Variants in LMO7 observed in about 807,000 individuals in gnomAD.
LMO7 encodes the protein LIM domain 7, also known as LIM domain only protein 7.
Under a neutral mutation model 206.5 loss-of-function variants are expected in LMO7, and 120 were observed. That is an observed-to-expected ratio of 0.58 (90% CI 0.50 to 0.68). The LOEUF (loss-of-function observed/expected upper bound fraction) is 0.68. Among genes scored for constraint, LMO7 ranks in the 30% least tolerant of loss-of-function variants. The pLI, the probability that LMO7 is intolerant of heterozygous loss-of-function variation, is 0.00. For missense variants in LMO7, 1,959 were observed against 1,957.9 expected (o/e 1.00, Z -0.01); for synonymous variants, 706 against 681.5 (o/e 1.04, Z -0.56).
At chr13:75,772,413 C>T (rs2049877399) in intron 4 of LMO7, among the ~76,000 whole-genome samples, 3 of 152,002 alleles carry the variant, frequency 2.0e-5, no homozygotes, top group South Asian at 2.1e-4. Flanking sequence ...AAAATACTGC[C>T]TTTGAGTGAG....
At chr13:75,779,411 C>T (rs1052013851) in intron 4 of LMO7, among the ~76,000 whole-genome samples, 2 of 152,056 alleles carry the variant, frequency 1.3e-5, no homozygotes, top group East Asian at 1.9e-4. Context: ...AAAATGGGAA[C>T]GTTGAAATTG....
chr13:75,676,600 TCTC>T (rs1462322139), intron 1 of LMO7, among the ~76,000 whole-genome samples: 1 of 152,186 alleles, frequency 6.6e-6, no homozygotes, highest in Non-Finnish European at 1.5e-5. Flanking sequence ...ATTAGTTTGT[TCTC>T]CTCTGAATAA....
intron 3 of LMO7, among the ~76,000 whole-genome samples, chr13:75,746,792 G>T (rs971718745): frequency 6.6e-6 from 1 of 151,876 alleles, no homozygotes; most frequent in African/African-American, 2.4e-5. Flanking sequence ...GGTACCTGTT[G>T]TCATGGCCTC....
At chr13:75,824,139 T>G (rs1419836893) in intron 15 of LMO7, among the ~76,000 whole-genome samples, 3 of 152,124 alleles carry the variant, frequency 2.0e-5, no homozygotes, top group Non-Finnish European at 4.4e-5. Context: ...TTCTCTATAT[T>G]CCATGTTTCA....
At chr13:75,679,288 G>C (rs750722095) in intron 1 of LMO7, among the ~76,000 whole-genome samples, 21 of 152,176 alleles carry the variant, frequency 1.4e-4, no homozygotes, top group Admixed American at 6.5e-5. Context: ...CACCTATAAT[G>C]ATGACCCCAA....
chr13:75,829,192 A>G (rs1190563296), intron 15 of LMO7, among the ~76,000 whole-genome samples: 1 of 152,204 alleles, frequency 6.6e-6, no homozygotes, highest in Non-Finnish European at 1.5e-5. Flanking sequence ...GAGAAAAAAG[A>G]GGAACATGCT....
intron 4 of LMO7, among the ~76,000 whole-genome samples, chr13:75,794,603 C>T (rs535814201): frequency 3.9e-4 from 60 of 152,244 alleles, no homozygotes; most frequent in African/African-American, 1.3e-3. Context: ...CTTTCTTAAT[C>T]AGGCTTCTAC....
intron 1 of LMO7, among the ~76,000 whole-genome samples, chr13:75,681,720 A>G (rs961474385): frequency 4.3e-4 from 41 of 94,348 alleles, no homozygotes; most frequent in Middle Eastern, 5.6e-3. Context: ...ATATATATGT[A>G]TATATATATA....
At chr13:75,695,833 G>A (rs1286822794) in intron 1 of LMO7, among the ~76,000 whole-genome samples, 1 of 152,188 alleles carries the variant, frequency 6.6e-6, no homozygotes, top group Non-Finnish European at 1.5e-5. Context: ...GACTAGTGGT[G>A]TTATATAAAA....
At chr13:75,794,100 T>C (rs149437469) in intron 4 of LMO7, among the ~76,000 whole-genome samples, 2 of 152,372 alleles carry the variant, frequency 1.3e-5, no homozygotes, top group African/African-American at 4.8e-5. Context: ...TTGCGATGAA[T>C]AGTGCTGTGA....
intron 3 of LMO7, among the ~76,000 whole-genome samples, chr13:75,737,354 G>T (rs1309144805): frequency 6.6e-6 from 1 of 151,904 alleles, no homozygotes; most frequent in African/African-American, 2.4e-5. Context: ...AAAAATCTTT[G>T]TTGCCTTAAG....
At chr13:75,649,444 A>G (rs2037351572) in intron 1 of LMO7, among the ~76,000 whole-genome samples, 1 of 152,244 alleles carries the variant, frequency 6.6e-6, no homozygotes. Flanking sequence ...GATTATGAAT[A>G]GTGTTCCGGA....
At chr13:75,634,242 TC>T (rs1377765401), upstream of LMO7, among the ~76,000 whole-genome samples, 1 of 151,810 alleles carries the variant, frequency 6.6e-6, no homozygotes, top group Non-Finnish European at 1.5e-5. Context: ...TTTGAGACCA[TC>T]CTGGACAACA....
intron 1 of LMO7, among the ~76,000 whole-genome samples, chr13:75,661,448 C>G (rs2038592309): frequency 6.6e-6 from 1 of 152,082 alleles, no homozygotes; most frequent in Admixed American, 6.5e-5. Flanking sequence ...TGCAAAGTGG[C>G]AGTAAAACCT....
intron 1 of LMO7, among the ~76,000 whole-genome samples, chr13:75,654,966 G>T (rs2037914581): frequency 6.6e-6 from 1 of 150,568 alleles, no homozygotes; most frequent in Admixed American, 6.7e-5. Flanking sequence ...CTGCCTCCCG[G>T]GTTCCTCGAT....
At chr13:75,657,305 GTACTTTAT>G (rs2038149396) in intron 1 of LMO7, among the ~76,000 whole-genome samples, 1 of 152,160 alleles carries the variant, frequency 6.6e-6, no homozygotes, top group Non-Finnish European at 1.5e-5. Context: ...CTGAGTTGTG[GTACTTTAT>G]TACAGCAGCC....
At chr13:75,817,110 T>C in intron 11 of LMO7, 51 bp from the exon 12 acceptor site, 5 of 1,343,864 alleles carry the variant, frequency 3.7e-6, no homozygotes, top group Non-Finnish European at 5.3e-6. Flanking sequence ...GTTTAACCCC[T>C]AAGTCTGGTC....
At chr13:75,816,821 A>C (rs117278456) in intron 11 of LMO7, 1 of 167,020 alleles carries the variant, frequency 6.0e-6, no homozygotes, top group East Asian at 1.6e-4. Flanking sequence ...TCTAGTGACT[A>C]TTTTTTCCTA....
chr13:75,856,490 T>C lies in LMO7; in HGVS notation c.4771-16T>C, dbSNP rs1337305741. On this transcript the variant is annotated splice_polypyrimidine_tract_variant and intron_variant, in intron 29 of 30. Transcript: ENST00000377534. ...AGCTGACTGATTGTAGATGTTCTTT[T>C]TTTTTTGTTCCCCAGTGTGTTGCCT... 9.1e-6 allele frequency: 14 copies of C among 1,541,022 alleles called. 1 individual carries two copies. Among genetic ancestry groups the C allele is most frequent in the African/African-American group, 4.1e-5 (3 of 73,432 alleles).
Sources: allele counts gnomAD v4.1 joint callset (sites outside exome capture counted in the v4.1 genomes callset), GRCh38; gene constraint gnomAD v4.1.1; transcripts MANE v1.5; gene names NCBI Gene and HGNC (gene_info 2026-07-23, HGNC 2026-07-21).